TAF6: variants seen among roughly 807,000 people sequenced by gnomAD.
TAF6 encodes the protein transcription initiation factor TFIID subunit 6.
TAF6 carries 50 observed loss-of-function variants against 73.5 expected under a neutral mutation model. The observed-to-expected ratio is 0.68, with a 90% CI of 0.54 to 0.86. TAF6 has a LOEUF of 0.86. TAF6 is among the 40% of genes least tolerant of loss of function. The pLI is 0.00. For synonymous variants in TAF6, 424 were observed against 376.7 expected (o/e 1.13, Z -1.45); for missense variants, 768 against 899.5 (o/e 0.85, Z 1.87).
Position 100,113,725 on chromosome 7 carries a change from G to A in TAF6, c.288C>T (p.Phe96=), listed in dbSNP as rs187950687. The change falls in exon 4 of 15, where the codon TTC becomes TTT. Residue 96 remains phenylalanine, a synonymous_variant. Transcript: ENST00000453269. ...AAAGCTCCCGGCCCCCACCAGAGGC[G>A]AAGCGGAAAGGAATGAACTCCTGGG... ...FHAQEFIPFR[F]ASGGGRELYF... 159 of 1,614,048 alleles carry A rather than the reference G, an allele frequency of 9.9e-5. No individual in the cohort carries two copies. The East Asian group carries it at 3.0e-3, about 31-fold the overall frequency.
chr7:100,123,437 G>C (rs1464510778), upstream of TAF6, among the ~76,000 whole-genome samples: 1 of 152,084 alleles, frequency 6.6e-6, no homozygotes, highest in African/African-American at 2.4e-5. Flanking sequence ...GTGAGTCTGA[G>C]GGAGAAGGAC....
At chr7:100,122,973 G>A (rs750792548), upstream of TAF6, 50 of 1,529,258 alleles carry the variant, frequency 3.3e-5, 1 homozygote, top group African/African-American at 9.6e-5. Context: ...TAGGTTCTAG[G>A]GTTTGACTAT....
chr7:100,107,879 G>A (rs745842355), intron 14 of TAF6, 47 bp downstream of exon 14: 73 of 1,563,384 alleles, frequency 4.7e-5, no homozygotes, highest in Non-Finnish European at 6.2e-5. Flanking sequence ...GGTGCTCTGA[G>A]GTAACCCAGG....
intron 6 of TAF6, 98 bp downstream of exon 6, chr7:100,112,700 G>C (rs931044223): frequency 4.1e-6 from 6 of 1,463,884 alleles, no homozygotes; most frequent in Non-Finnish European, 5.5e-6. Context: ...GGGTGACAGA[G>C]TGAGACTCTG....
upstream of TAF6, chr7:100,119,393 C>A: frequency 8.8e-7 from 1 of 1,131,874 alleles, no homozygotes; most frequent in Non-Finnish European, 1.1e-6. Flanking sequence ...AGCCTAAGAG[C>A]AAGTCACTGC....
At chr7:100,123,501 C>A (rs1388026235), upstream of TAF6, among the ~76,000 whole-genome samples, 1 of 152,058 alleles carries the variant, frequency 6.6e-6, no homozygotes, top group Admixed American at 6.6e-5. Context: ...ACCCCCTTCT[C>A]TACAAATAAT....
In TAF6 at chr7:100,108,261, C is replaced by T. The variant is rs949465818; in HGVS notation, c.1458+106G>A. 1.6e-5 allele frequency: 24 copies of T among 1,475,244 alleles called. No individual in the cohort carries two copies. In the African/African-American group the frequency reaches 3.1e-4, roughly 19 times the overall value. 91.4% of individuals were successfully genotyped at this position (1,475,244 alleles called of 1,614,324 possible). On this transcript the variant is annotated intron_variant, in intron 13 of 14. Coordinates refer to ENST00000453269, the MANE Select transcript of TAF6 (RefSeq NM_139315.3). ...GCATCCTCACTCAGGGCCTGGTTGC[C>T]CTGAGACTACTGACTGAGGGCACAT...
chr7:100,125,135 G>GT, the TAF6 span: 1 of 483,058 alleles, frequency 2.1e-6, no homozygotes, highest in South Asian at 3.5e-5. Context: ...ATTGGCAGGT[G>GT]TATGTGCTGA....
rs1797201719 is a variant in TAF6, at chr7:100,111,770, C to A, written c.858G>T (p.Val286=). Residue 286 remains valine (V), a synonymous_variant, in exon 9 of 15, where the codon GTG becomes GTT. Coordinates refer to ENST00000453269, the MANE Select transcript of TAF6 (RefSeq NM_139315.3). The part of the protein sequence containing the change: ...LALLIYLMRM[V]KALMDNPTLY... ...GCGTGGGGTTGTCCATCAGCGCTTT[C>A]ACCATACGCATCAGGTAGATGAGTA... The A allele has an allele frequency of 6.2e-7, 1 of 1,614,110 alleles. No individual in the cohort carries two copies. Among genetic ancestry groups the A allele is most frequent in the African/African-American group, 1.3e-5 (1 of 74,936 alleles).
At position 100,111,610 on chromosome 7, in the gene TAF6, A is replaced by G. The variant is rs1797186641; in HGVS notation, c.900+118T>C. On this transcript the variant is annotated intron_variant, in intron 9 of 14. Transcript: ENST00000453269. ...ACTCCTGAGCTCAAGCAATCCTCCCACTTCGGCCTCCCAAAGTTGCTGGGA... is the reference window on the plus strand; with the variant it reads ...ACTCCTGAGCTCAAGCAATCCTCCCGCTTCGGCCTCCCAAAGTTGCTGGGA... The G allele has an allele frequency of 1.3e-5, 14 of 1,095,180 alleles. No individual in the cohort carries two copies. The South Asian group carries it at 1.7e-4, about 13-fold the overall frequency. 67.8% of individuals were successfully genotyped at this position (1,095,180 alleles called of 1,614,324 possible). A position where few individuals can be genotyped will look rare whatever the true frequency, so the allele number is the denominator to read the frequency against.
In TAF6 at chr7:100,107,410, G is replaced by T. The variant is rs1316790279; in HGVS notation, c.1870C>A (p.His624Asn). The T allele has an allele frequency of 6.2e-7, 1 of 1,606,864 alleles. No homozygotes were observed. Among genetic ancestry groups the T allele is most frequent in the African/African-American group, 1.3e-5 (1 of 74,738 alleles). Residue 624 changes from histidine (H) to asparagine (N), a missense_variant, in exon 15 of 15, where the codon CAT (histidine) becomes AAT (asparagine). Around this residue, in one of 5 missense-constraint regions of TAF6, gnomAD observed 350 missense variants for 352.3 expected, o/e 0.99. Transcript: ENST00000453269. ...GCCGGGGGAGGAACTGGAGAAGGAT[G>T]GGAGGTGGGGCCTCCTTTGCCCTCC... ...TGEGKGGPTS[H>N]PSPVPPPASS...
chr7:100,110,878 A>G (rs1207834046), intron 10 of TAF6, among the ~76,000 whole-genome samples: 2 of 151,760 alleles, frequency 1.3e-5, no homozygotes, highest in East Asian at 3.9e-4. Context: ...AGTACTCAAG[A>G]GTCTGAGGGA....
rs202159425 is a variant in TAF6, at chr7:100,107,362, C to T, written c.1918G>A (p.Gly640Ser). The T allele has an allele frequency of 8.3e-6, 13 of 1,571,032 alleles. No individual in the cohort carries two copies. The highest frequency in any genetic ancestry group is 8.2e-5 in the South Asian group (7 of 85,378). Reference protein sequence around the residue: ...PPASSPSPLSGSALCGGKQEA... With the variant: ...PPASSPSPLSSSALCGGKQEA... ...TGCTTCCCCCCACAAAGGGCACTGC[C>T]GCTGAGTGGGGACGGGGACGATGCC... Residue 640 changes from glycine (G) to serine (S), a missense_variant, in exon 15 of 15, where the codon GGC becomes AGC. Around this residue, in one of 5 missense-constraint regions of TAF6, gnomAD observed 350 missense variants for 352.3 expected, o/e 0.99. Transcript: ENST00000453269.
At chr7:100,107,846 G>T in intron 14 of TAF6, 80 bp downstream of exon 14, 1 of 1,506,148 alleles carries the variant, frequency 6.6e-7, no homozygotes, top group Non-Finnish European at 9.0e-7. Context: ...AGGGGACTGT[G>T]CTCTACTCCT....
chr7:100,110,991 AAAAAG>A, intron 10 of TAF6, 143 bp downstream of exon 10: 4 of 910,570 alleles, frequency 4.4e-6, no homozygotes, highest in African/African-American at 3.4e-5. Flanking sequence ...AAAAAAAAAA[AAAAAG>A]GTATTACAGA....
chr7:100,117,572 G>A (rs1025975101), intron 1 of TAF6, among the ~76,000 whole-genome samples: 9 of 151,464 alleles, frequency 5.9e-5, no homozygotes, highest in Non-Finnish European at 1.2e-4. Flanking sequence ...GTGCCCGGCC[G>A]ACAGAGCTCT....
Position 100,111,691 on chromosome 7 carries a change from C to T in TAF6, c.900+37G>A, listed in dbSNP as rs4134906. On this transcript the variant is annotated intron_variant, in intron 9 of 14. Transcript: ENST00000453269. ...CTTCCTGTTGGTGGCAGCAGGGTCC[C>T]TAGTCCCTGGAAGGGAGGATGGGCA... 5,884 of 1,599,080 alleles carry T rather than the reference C, an allele frequency of 3.7e-3. 188 individuals carry two copies. The African/African-American group carries it at 0.065, about 18-fold the overall frequency.
At chr7:100,127,056 A>C in the TAF6 span, 1 of 293,942 alleles carries the variant, frequency 3.4e-6, no homozygotes, top group African/African-American at 2.2e-5. This position sits in a 1 kb window ranked among gnomAD's most constrained non-coding sequence, Gnocchi z 4.6. Context: ...GACCTAGCAG[A>C]GGCCCAAGGT....
chr7:100,122,914 A>G (rs570109220), upstream of TAF6: 5 of 1,610,584 alleles, frequency 3.1e-6, no homozygotes, highest in African/African-American at 6.7e-5. Flanking sequence ...CAGGTAGGAT[A>G]AGACACTGCA....
Sources: allele counts gnomAD v4.1 joint callset (sites outside exome capture counted in the v4.1 genomes callset), GRCh38; gene constraint gnomAD v4.1.1; regional missense constraint gnomAD v4.1.1; non-coding constraint Gnocchi (gnomAD v3.1); transcripts MANE v1.5; gene names NCBI Gene and HGNC (gene_info 2026-07-23, HGNC 2026-07-21).